The following ICE1 variants were observed in gnomAD, a reference collection of about 807,000 sequenced individuals.
ICE1 encodes interactor of little elongation complex ELL subunit 1.
A neutral mutation model predicts 192.7 loss-of-function variants in ICE1; 64 were observed. The ratio of observed to expected loss-of-function variants is 0.33; its 90% CI spans 0.27 to 0.41. The LOEUF (loss-of-function observed/expected upper bound fraction) is 0.41, where lower values mean the gene tolerates loss of function less well. ICE1 is among the 10% of genes least tolerant of loss of function. ICE1 has a pLI of 1.00. For synonymous variants in ICE1, 1,010 were observed against 984.5 expected (o/e 1.03, Z -0.49); for missense variants, 2,708 against 2,696.0 (o/e 1.00, Z -0.10).
Position 5,489,480 on chromosome 5 carries a change from G to A in ICE1, c.*150G>A, listed in dbSNP as rs116107468. 1.7e-3 allele frequency: 1,108 copies of A among 660,166 alleles called. 10 individuals are homozygous for A. The African/African-American group carries it at 0.019, about 11-fold the overall frequency. 40.9% of individuals were successfully genotyped at this position (660,166 alleles called of 1,614,324 possible). On this transcript the variant is annotated 3_prime_UTR_variant, in exon 19 of 19. Coordinates refer to ENST00000296564, the MANE Select transcript of ICE1 (RefSeq NM_015325.3). ...GAGGCTCTCCTTATTGTTTGGCAAGGAGACAGGAGAAACAAGCAGTCGCAT... is the reference window on the plus strand; with the variant it reads ...GAGGCTCTCCTTATTGTTTGGCAAGAAGACAGGAGAAACAAGCAGTCGCAT...
At position 5,435,629 on chromosome 5, in the gene ICE1, G is replaced by A. The variant is rs112178882; in HGVS notation, c.85-789G>A. On this transcript the variant is annotated intron_variant, in intron 1 of 18. Coordinates refer to ENST00000296564, the MANE Select transcript of ICE1 (RefSeq NM_015325.3). ...CTAAGGATGTTTTTCCTTTTGGGTT[G>A]ATAGCGGTAATTTAGAGCCAAATTT... Among the ~76,000 whole-genome samples the A allele has an allele frequency of 3.6e-3, 542 of 149,412 alleles. 5 individuals carry two copies. Among genetic ancestry groups the A allele is most frequent in the African/African-American group, 0.013 (520 of 40,634 alleles).
chr5:5,435,792 C>T (rs1178541962), intron 1 of ICE1, among the ~76,000 whole-genome samples: 2 of 151,574 alleles, frequency 1.3e-5, no homozygotes, highest in African/African-American at 4.9e-5. Flanking sequence ...GCCTCAGCCT[C>T]CTGAGTAGCT....
rs201765299 is a variant in ICE1, at chr5:5,462,727, A to G, written c.3393A>G (p.Lys1131=). 13 of 1,613,838 alleles carry G rather than the reference A, an allele frequency of 8.1e-6. No individual in the cohort carries two copies. The highest frequency in any genetic ancestry group is 2.7e-5 in the African/African-American group (2 of 75,028). The change falls in exon 13 of 19, where the codon AAA becomes AAG. Residue 1131 remains lysine (K), a synonymous_variant. Transcript: ENST00000296564. ...EQQDAPDDSQ[K]NLGDTDAAVA... ...AAGATGCTCCTGATGACTCACAGAA[A>G]AATTTAGGAGACACAGATGCTGCTG...
chr5:5,431,888 T>C (rs777779033), intron 1 of ICE1, among the ~76,000 whole-genome samples: 1 of 152,128 alleles, frequency 6.6e-6, no homozygotes, highest in South Asian at 2.1e-4. Context: ...TGTGGAACTC[T>C]TATTGTTGGG....
chr5:5,474,899 A>C (rs1265900800), intron 16 of ICE1, among the ~76,000 whole-genome samples: 1 of 152,252 alleles, frequency 6.6e-6, no homozygotes, highest in Non-Finnish European at 1.5e-5. Flanking sequence ...TAAGGAATCA[A>C]ATCATGGCAC....
At chr5:5,456,668 C>T (rs982868432) in intron 11 of ICE1, among the ~76,000 whole-genome samples, 9 of 151,994 alleles carry the variant, frequency 5.9e-5, no homozygotes, top group Non-Finnish European at 7.4e-5. Flanking sequence ...GATAATCAAC[C>T]GCCTATCCAA....
intron 17 of ICE1, among the ~76,000 whole-genome samples, chr5:5,479,468 A>C (rs1739434494): frequency 6.6e-6 from 1 of 152,210 alleles, no homozygotes; most frequent in African/African-American, 2.4e-5. Context: ...GCTGTGGAGA[A>C]ATAGGAATGC....
rs765020879 is a variant in ICE1, at chr5:5,462,850, A to G, written c.3516A>G (p.Thr1172=). ...STFSELDRLS[T]SEVVMFLESC... ...TTTCTGAGCTGGATAGACTTTCCAC[A>G]TCAGAGGTTGTGATGTTTCTTGAGA... The change falls in exon 13 of 19, where the codon ACA becomes ACG. Residue 1172 remains threonine (T), a synonymous_variant. Coordinates refer to ENST00000296564, the MANE Select transcript of ICE1 (RefSeq NM_015325.3). 17 of 1,609,230 alleles carry G rather than the reference A, an allele frequency of 1.1e-5. No individual in the cohort carries two copies. The African/African-American group carries it at 2.0e-4, about 19-fold the overall frequency.
At chr5:5,431,641 T>G (rs1737714359) in intron 1 of ICE1, among the ~76,000 whole-genome samples, 1 of 152,222 alleles carries the variant, frequency 6.6e-6, no homozygotes, top group African/African-American at 2.4e-5. Context: ...AGCCATTCTA[T>G]CCCCGATTCT....
At chr5:5,433,025 T>A (rs1737766786) in intron 1 of ICE1, among the ~76,000 whole-genome samples, 1 of 152,182 alleles carries the variant, frequency 6.6e-6, no homozygotes, top group Admixed American at 6.5e-5. Flanking sequence ...TTGAAGAATG[T>A]CTAGTGTCAT....
In ICE1 at chr5:5,463,320, G is replaced by GA; in HGVS notation, c.3986_3987insA (p.Ser1330GlnfsTer11). 1.2e-6 allele frequency: 2 copies of GA among 1,613,628 alleles called. No individual in the cohort carries two copies. The highest frequency in any genetic ancestry group is 1.7e-6 in the Non-Finnish European group (2 of 1,179,796). ...CAAGCAGCTGCCTTGGACACTGAGG[G>GA]CAGCTCTCCCATCAGCGGTATGCCT... On this transcript the variant is annotated frameshift_variant, in exon 13 of 19. Transcript: ENST00000296564. LOFTEE classifies it high-confidence loss of function.
In ICE1 at chr5:5,422,950, G is replaced by A; in HGVS notation, c.35G>A (p.Gly12Glu). 2 of 1,450,302 alleles carry A rather than the reference G, an allele frequency of 1.4e-6. No homozygotes were observed. The highest frequency in any genetic ancestry group is 1.8e-6 in the Non-Finnish European group (2 of 1,103,298). 89.8% of individuals were successfully genotyped at this position (1,450,302 alleles called of 1,614,324 possible). A position where few individuals can be genotyped will look rare whatever the true frequency, so the allele number is the denominator to read the frequency against. ...MPGETHSAAP[G>E]TAADLSRCQG... The stretch of plus-strand genomic sequence containing the variant: ...GGCGAGACCCATTCGGCGGCGCCCG[G>A]GACGGCGGCGGACCTGTCGCGATGT... The change falls in exon 1 of 19, where the codon GGG (glycine) becomes GAG (glutamate). Residue 12 changes from glycine to glutamate, a missense_variant. Physicochemically the swap from Gly to Glu is moderately conservative, Grantham distance 98 (BLOSUM62 -2). Transcript: ENST00000296564.
rs1278331316 is a variant in ICE1 at position 5,464,115 on chromosome 5, C to G, written c.4781C>G (p.Thr1594Arg). The change falls in exon 13 of 19, where the codon ACA (threonine) becomes AGA (arginine). Residue 1594 changes from threonine to arginine, a missense_variant. Around this residue, in one of 2 missense-constraint regions of ICE1, gnomAD observed 2,366 missense variants for 2,276.6 expected, o/e 1.04. Coordinates refer to ENST00000296564, the MANE Select transcript of ICE1 (RefSeq NM_015325.3). This position sits in a 1 kb window ranked among gnomAD's most constrained non-coding sequence, Gnocchi z 4.0. The part of the protein sequence containing the change: ...AQSFSGEKAN[T>R]KTQRSQTQTI... ...TCATTTTCAGGGGAAAAAGCTAATA[C>G]AAAAACTCAAAGAAGCCAAACTCAG... 1 of 1,613,448 alleles carries G rather than the reference C, an allele frequency of 6.2e-7. No individual in the cohort carries two copies. Among genetic ancestry groups the G allele is most frequent in the Non-Finnish European group, 8.5e-7 (1 of 1,179,864 alleles).
At chr5:5,456,758 A>G (rs1738595267) in intron 11 of ICE1, among the ~76,000 whole-genome samples, 1 of 152,198 alleles carries the variant, frequency 6.6e-6, no homozygotes, top group African/African-American at 2.4e-5. Context: ...TGTTTTTGTT[A>G]ATAGTACCAC....
chr5:5,464,157 C>T lies in ICE1; in HGVS notation c.4823C>T (p.Ala1608Val), dbSNP rs1414146902. The change falls in exon 13 of 19, where the codon GCT becomes GTT. Residue 1608 changes from alanine to valine, a missense_variant. Physicochemically the swap from Ala to Val is moderately conservative, Grantham distance 64. Around this residue, in one of 2 missense-constraint regions of ICE1, gnomAD observed 2,366 missense variants for 2,276.6 expected, o/e 1.04. Transcript: ENST00000296564. The surrounding 1 kb of genome is among the most constrained non-coding windows in gnomAD (Gnocchi z 4.0). The stretch of plus-strand genomic sequence containing the variant: ...CAAACTCAGACCATTTTAGCAAATG[C>T]TGATACATCCACTCCTACAGATTGT... ...RSQTQTILANADTSTPTDCSP... is the reference protein window; with the variant it reads ...RSQTQTILANVDTSTPTDCSP... 6.2e-7 allele frequency: 1 copy of T among 1,613,538 alleles called. No individual in the cohort carries two copies. The highest frequency in any genetic ancestry group is 2.2e-5 in the East Asian group (1 of 44,860).
chr5:5,424,428 T>G (rs1737457138), intron 1 of ICE1, among the ~76,000 whole-genome samples: 1 of 151,470 alleles, frequency 6.6e-6, no homozygotes, highest in African/African-American at 2.4e-5. Flanking sequence ...CTCCCGAATC[T>G]TTAATACATT....
intron 1 of ICE1, among the ~76,000 whole-genome samples, chr5:5,435,321 G>T (rs1227014319): frequency 1.3e-5 from 2 of 151,898 alleles, no homozygotes; most frequent in Non-Finnish European, 2.9e-5. Flanking sequence ...AGAAGAAAAG[G>T]CAGACATTAT....
intron 16 of ICE1, 136 bp downstream of exon 16, chr5:5,473,884 A>T (rs1486008275): frequency 3.1e-6 from 2 of 637,558 alleles, no homozygotes; most frequent in East Asian, 6.3e-5. Flanking sequence ...CACTGTTTTT[A>T]TTTTATAAGA....
intron 10 of ICE1, among the ~76,000 whole-genome samples, chr5:5,450,908 T>C (rs1738397080): frequency 6.6e-6 from 1 of 152,164 alleles, no homozygotes; most frequent in Non-Finnish European, 1.5e-5. Context: ...CAATGTTTTT[T>C]AGAAAGAGAG....
Sources: allele counts gnomAD v4.1 joint callset (sites outside exome capture counted in the v4.1 genomes callset), GRCh38; gene constraint gnomAD v4.1.1; regional missense constraint gnomAD v4.1.1; non-coding constraint Gnocchi (gnomAD v3.1); transcripts MANE v1.5; gene names NCBI Gene and HGNC (gene_info 2026-07-23, HGNC 2026-07-21).